Variants in FAT3 observed in about 807,000 individuals in gnomAD.
FAT3 encodes FAT atypical cadherin 3.
FAT3 carries 95 observed loss-of-function variants against 310.2 expected under a neutral mutation model. The ratio of observed to expected loss-of-function variants is 0.31; its 90% CI spans 0.26 to 0.36. The LOEUF (loss-of-function observed/expected upper bound fraction) is 0.36. Among genes scored for constraint, FAT3 ranks in the 10% least tolerant of loss-of-function variants. FAT3 has a pLI of 1.00. For missense variants in FAT3, 5,408 were observed against 5,715.6 expected (o/e 0.95, Z 1.74); for synonymous variants, 2,314 against 2,192.9 (o/e 1.06, Z -1.54).
intron 2 of FAT3, among the ~76,000 whole-genome samples, chr11:92,460,948 C>G (rs1951622194): frequency 6.6e-6 from 1 of 152,100 alleles, no homozygotes; most frequent in Admixed American, 6.6e-5. Flanking sequence ...TAGAAGATCC[C>G]CTTTTTTTCT....
intron 2 of FAT3, among the ~76,000 whole-genome samples, chr11:92,420,551 C>A (rs1806306537): frequency 5.3e-5 from 8 of 152,132 alleles, no homozygotes; most frequent in Admixed American, 5.2e-4. Flanking sequence ...GAAGACATGG[C>A]AAGAATCAGC....
intron 1 of FAT3, among the ~76,000 whole-genome samples, chr11:92,254,006 T>A (rs1865222796): frequency 6.6e-6 from 1 of 152,204 alleles, no homozygotes. Flanking sequence ...ATCGTTTATT[T>A]GCATTGAAAT....
At chr11:92,318,420 A>G (rs1947524729) in intron 1 of FAT3, among the ~76,000 whole-genome samples, 1 of 152,162 alleles carries the variant, frequency 6.6e-6, no homozygotes, top group South Asian at 2.1e-4. Flanking sequence ...TTTGAAAATA[A>G]ATGATACTCA....
intron 3 of FAT3, among the ~76,000 whole-genome samples, chr11:92,663,460 C>A (rs575724964): frequency 3.3e-5 from 5 of 152,052 alleles, no homozygotes; most frequent in South Asian, 2.1e-4. Context: ...AAAATATAAC[C>A]ATCCCTCTCC....
At chr11:92,455,797 G>A (rs1001756543) in intron 2 of FAT3, among the ~76,000 whole-genome samples, 3 of 152,112 alleles carry the variant, frequency 2.0e-5, no homozygotes, top group Non-Finnish European at 1.5e-5. Context: ...AGTATCTGAT[G>A]CAAACTATTA....
At chr11:92,418,153 A>G (rs1056566604) in intron 2 of FAT3, among the ~76,000 whole-genome samples, 14 of 152,130 alleles carry the variant, frequency 9.2e-5, no homozygotes, top group African/African-American at 3.4e-4. Context: ...TCCATCAACA[A>G]TCAAAACATC....
At chr11:92,543,649 G>T (rs1473827950) in intron 3 of FAT3, among the ~76,000 whole-genome samples, 2 of 152,170 alleles carry the variant, frequency 1.3e-5, no homozygotes, top group East Asian at 3.8e-4. Flanking sequence ...TGCAAATAGT[G>T]CACATAGTGC....
intron 3 of FAT3, among the ~76,000 whole-genome samples, chr11:92,542,204 C>CG (rs1314962550): frequency 2.0e-5 from 3 of 151,974 alleles, no homozygotes; most frequent in African/African-American, 7.2e-5. Context: ...GGATTAAAGA[C>CG]TTAAATGTAA....
intron 2 of FAT3, among the ~76,000 whole-genome samples, chr11:92,494,854 G>A (rs1002336765): frequency 2.6e-5 from 4 of 151,914 alleles, no homozygotes; most frequent in African/African-American, 4.8e-5. Flanking sequence ...CATCAGGAAC[G>A]GTTCATAGGA....
At chr11:92,736,689 A>C in intron 4 of FAT3, among the ~76,000 whole-genome samples, 1 of 152,168 alleles carries the variant, frequency 6.6e-6, no homozygotes, top group South Asian at 2.1e-4. Context: ...ATACTGTAGA[A>C]ATTTCATTTT....
chr11:92,403,067 G>T (rs144825811), intron 2 of FAT3, among the ~76,000 whole-genome samples: 2 of 152,290 alleles, frequency 1.3e-5, no homozygotes, highest in African/African-American at 4.8e-5. Flanking sequence ...TTACAGACAA[G>T]TTTACTTGCA....
chr11:92,715,000 G>T (rs1390052782), intron 4 of FAT3, among the ~76,000 whole-genome samples: 1 of 151,804 alleles, frequency 6.6e-6, no homozygotes, highest in Non-Finnish European at 1.5e-5. Flanking sequence ...TAGTTTATGG[G>T]GTATGGGTTG....
At chr11:92,413,801 T>A (rs567038605) in intron 2 of FAT3, among the ~76,000 whole-genome samples, 1 of 152,212 alleles carries the variant, frequency 6.6e-6, no homozygotes, top group African/African-American at 2.4e-5. Context: ...TTTCCATATA[T>A]GTTGACAGGC....
chr11:92,681,329 G>A (rs504490), intron 3 of FAT3, among the ~76,000 whole-genome samples: 73,433 of 151,994 alleles, frequency 0.48, 17,973 homozygotes, highest in African/African-American at 0.5. Context: ...TCTCTTGGGA[G>A]GTGACATTTG....
intron 4 of FAT3, among the ~76,000 whole-genome samples, chr11:92,751,567 C>G (rs1945829555): frequency 6.6e-6 from 1 of 152,110 alleles, no homozygotes; most frequent in South Asian, 2.1e-4. Flanking sequence ...GTCTTGAGTG[C>G]TGAAAGAAGT....
At chr11:92,605,730 T>TTG (rs1940256043) in intron 3 of FAT3, among the ~76,000 whole-genome samples, 2 of 149,326 alleles carry the variant, frequency 1.3e-5, no homozygotes, top group South Asian at 2.1e-4. Context: ...TTTTTTTTTT[T>TTG]TTTTTTTTTT....
chr11:92,394,280 G>A (rs1949811272), intron 2 of FAT3, among the ~76,000 whole-genome samples: 1 of 152,076 alleles, frequency 6.6e-6, no homozygotes, highest in Admixed American at 6.6e-5. Flanking sequence ...ACCAGCCTGG[G>A]CAACATGGCA....
chr11:92,578,044 T>C (rs2135523548), intron 3 of FAT3, among the ~76,000 whole-genome samples: 1 of 152,242 alleles, frequency 6.6e-6, no homozygotes, highest in South Asian at 2.1e-4. Flanking sequence ...ATATTTATAG[T>C]GTTCCTATAG....
At chr11:92,575,663 A>G (rs1174483454) in intron 3 of FAT3, among the ~76,000 whole-genome samples, 1 of 152,134 alleles carries the variant, frequency 6.6e-6, no homozygotes, top group Non-Finnish European at 1.5e-5. Context: ...ATAAGCATAT[A>G]TATGAACTCC....
Sources: allele counts gnomAD v4.1 joint callset (sites outside exome capture counted in the v4.1 genomes callset), GRCh38; gene constraint gnomAD v4.1.1; transcripts MANE v1.5; gene names NCBI Gene and HGNC (gene_info 2026-07-23, HGNC 2026-07-21).